PRDM5: variants seen among roughly 807,000 people sequenced by gnomAD.
PRDM5 encodes PR/SET domain 5, also known as PR domain zinc finger protein 5.
A neutral mutation model predicts 81.2 loss-of-function variants in PRDM5; 56 were observed. The observed-to-expected ratio is 0.69, with a 90% CI of 0.56 to 0.86. The LOEUF is 0.86. Ranked by LOEUF, PRDM5 falls within the 40% of genes least tolerant of loss-of-function variation. The pLI is 0.00. For synonymous variants in PRDM5, 267 were observed against 256.4 expected (o/e 1.04, Z -0.39); for missense variants, 697 against 770.1 (o/e 0.91, Z 1.12).
At chr4:120,868,807 C>A in intron 2 of PRDM5, among the ~76,000 whole-genome samples, 1 of 152,198 alleles carries the variant, frequency 6.6e-6, no homozygotes, top group East Asian at 1.9e-4. Flanking sequence ...TTATGGAGAA[C>A]TAATTCTACA....
chr4:120,815,275 T>C (rs1164616717), intron 7 of PRDM5, among the ~76,000 whole-genome samples: 2 of 152,216 alleles, frequency 1.3e-5, no homozygotes, highest in Non-Finnish European at 2.9e-5. Flanking sequence ...GACCCCAGTA[T>C]ACTGAATTCA....
intron 3 of PRDM5, among the ~76,000 whole-genome samples, chr4:120,842,804 C>G (rs1758175838): frequency 6.6e-6 from 1 of 152,176 alleles, no homozygotes; most frequent in South Asian, 2.1e-4. Context: ...TTCACTATCA[C>G]CAATCCTATT....
At chr4:120,758,993 C>G (rs1321221539) in intron 13 of PRDM5, among the ~76,000 whole-genome samples, 1 of 152,028 alleles carries the variant, frequency 6.6e-6, no homozygotes, top group African/African-American at 2.4e-5. Context: ...CTGACCTCGT[C>G]ATCCACCCAC....
chr4:120,907,450 C>T, intron 2 of PRDM5, 24 bp downstream of exon 2: 5 of 1,527,742 alleles, frequency 3.3e-6, no homozygotes, highest in Non-Finnish European at 4.5e-6. Context: ...ATATTTTTAA[C>T]ATTAAAATAA....
At position 120,907,487 on chromosome 4, in the gene PRDM5, C is replaced by G. The variant is rs147410661; in HGVS notation, c.164G>C (p.Arg55Thr). The G allele has an allele frequency of 5.5e-5, 89 of 1,608,922 alleles. No homozygotes were observed. The highest frequency in any genetic ancestry group is 7.4e-5 in the Non-Finnish European group (87 of 1,175,478). The change falls in exon 2 of 16, where the codon AGG becomes ACG. Residue 55 changes from arginine (R) to threonine (T), a missense_variant. Physicochemically the swap from Arg to Thr is moderately conservative, Grantham distance 71. Transcript: ENST00000264808. ...TCATATCCTCACCTCCCACATCAACCTGTAATCCATATTTTCATCCAAGTC... is the reference window on the plus strand; with the variant it reads ...TCATATCCTCACCTCCCACATCAACGTGTAATCCATATTTTCATCCAAGTC... ...PEDLDENMDY[R>T]LMWEVRGSKG...
chr4:120,736,806 C>A (rs1741190580), intron 14 of PRDM5, among the ~76,000 whole-genome samples: 1 of 152,296 alleles, frequency 6.6e-6, no homozygotes, highest in African/African-American at 2.4e-5. Context: ...GTCTTTAGAT[C>A]AATGAGCACA....
At chr4:120,873,692 C>T (rs755264722) in intron 2 of PRDM5, among the ~76,000 whole-genome samples, 12 of 152,320 alleles carry the variant, frequency 7.9e-5, no homozygotes, top group Non-Finnish European at 7.3e-5. Flanking sequence ...AACAATATGT[C>T]GGTTATTTCA....
intron 13 of PRDM5, among the ~76,000 whole-genome samples, chr4:120,768,823 C>T (rs1333753818): frequency 6.6e-6 from 1 of 152,168 alleles, no homozygotes; most frequent in African/African-American, 2.4e-5. Flanking sequence ...GTTCTTTATT[C>T]CCTCATTTAA....
At chr4:120,800,941 A>G (rs1365077688) in intron 8 of PRDM5, among the ~76,000 whole-genome samples, 3 of 152,212 alleles carry the variant, frequency 2.0e-5, no homozygotes, top group African/African-American at 7.2e-5. Flanking sequence ...CCTCCCAGAC[A>G]CTAACACAGA....
chr4:120,771,712 A>G (rs1389805811), intron 13 of PRDM5, among the ~76,000 whole-genome samples: 2 of 152,194 alleles, frequency 1.3e-5, no homozygotes, highest in Non-Finnish European at 2.9e-5. Context: ...AAAGGTATTG[A>G]ACATGAAAAT....
At chr4:120,913,996 T>C (rs1436149036) in intron 1 of PRDM5, among the ~76,000 whole-genome samples, 2 of 152,260 alleles carry the variant, frequency 1.3e-5, no homozygotes, top group East Asian at 3.9e-4. Context: ...CAGAGGACTA[T>C]TCAATAACAG....
chr4:120,725,274 GTTTT>G (rs34278955), intron 14 of PRDM5, among the ~76,000 whole-genome samples: 1 of 145,090 alleles, frequency 6.9e-6, no homozygotes, highest in Admixed American at 6.8e-5. Context: ...ATATACAGTT[GTTTT>G]TTTTTTTTCT....
At chr4:120,789,169 A>C (rs1750196331) in intron 10 of PRDM5, among the ~76,000 whole-genome samples, 1 of 152,212 alleles carries the variant, frequency 6.6e-6, no homozygotes, top group Non-Finnish European at 1.5e-5. Context: ...TCCATGAACA[A>C]GTACTATGAA....
In PRDM5 at chr4:120,892,457, G is replaced by C. The variant is rs1321501144; in HGVS notation, c.177+15017C>G. On this transcript the variant is annotated intron_variant, in intron 2 of 15. Transcript: ENST00000264808. Reference sequence around the variant, plus strand: ...GTGTGGTTATCTAAGTCTCTTTGTAGATCTATAAGAACTCATTTTATGAAT... The same window carrying C: ...GTGTGGTTATCTAAGTCTCTTTGTACATCTATAAGAACTCATTTTATGAAT... Among the ~76,000 whole-genome samples, 3 of 152,152 alleles carry C rather than the reference G, an allele frequency of 2.0e-5. No homozygotes were observed. The East Asian group carries it at 5.8e-4, about 29-fold the overall frequency.
At chr4:120,734,827 T>C (rs998422934) in intron 14 of PRDM5, among the ~76,000 whole-genome samples, 2 of 152,196 alleles carry the variant, frequency 1.3e-5, no homozygotes, top group Non-Finnish European at 2.9e-5. Context: ...GCCCTCCTCC[T>C]ATGCTGAGGT....
intron 9 of PRDM5, among the ~76,000 whole-genome samples, chr4:120,799,087 TAA>T (rs1751752681): frequency 6.6e-6 from 1 of 152,152 alleles, no homozygotes; most frequent in African/African-American, 2.4e-5. Context: ...CTCCATAAAG[TAA>T]AAACTATTTT....
chr4:120,687,281 T>G (rs565020786), downstream of PRDM5, among the ~76,000 whole-genome samples: 1 of 152,230 alleles, frequency 6.6e-6, no homozygotes, highest in East Asian at 1.9e-4. Flanking sequence ...TATACCCATT[T>G]AACAACTCTT....
At chr4:120,839,975 C>T (rs1395727941) in intron 3 of PRDM5, among the ~76,000 whole-genome samples, 1 of 152,238 alleles carries the variant, frequency 6.6e-6, no homozygotes, top group Admixed American at 6.5e-5. Context: ...GGCTCAGCCC[C>T]ACATTGCTCT....
At chr4:120,828,314 C>A (rs1196633894) in intron 3 of PRDM5, among the ~76,000 whole-genome samples, 1 of 152,042 alleles carries the variant, frequency 6.6e-6, no homozygotes, top group Non-Finnish European at 1.5e-5. Context: ...TGATTAGCAT[C>A]AAGGTCTGTC....
Sources: allele counts gnomAD v4.1 joint callset (sites outside exome capture counted in the v4.1 genomes callset), GRCh38; gene constraint gnomAD v4.1.1; transcripts MANE v1.5; gene names NCBI Gene and HGNC (gene_info 2026-07-23, HGNC 2026-07-21).